The following TLL1 variants were observed in gnomAD, a reference collection of about 807,000 sequenced individuals.
TLL1 encodes the protein tolloid like 1.
Under a neutral mutation model 128.2 loss-of-function variants are expected in TLL1, and 49 were observed. The observed-to-expected ratio is 0.38, with a 90% CI of 0.30 to 0.48. TLL1 has a LOEUF of 0.48. TLL1 is among the 20% of genes least tolerant of loss of function. The pLI, the probability that TLL1 is intolerant of heterozygous loss-of-function variation, is 0.96. For synonymous variants in TLL1, 454 were observed against 418.8 expected (o/e 1.08, Z -1.03); for missense variants, 1,123 against 1,242.0 (o/e 0.90, Z 1.44).
At chr4:166,073,957 G>A (rs1453873655) in intron 16 of TLL1, among the ~76,000 whole-genome samples, 1 of 152,090 alleles carries the variant, frequency 6.6e-6, no homozygotes, top group Non-Finnish European at 1.5e-5. Flanking sequence ...GAAAGTCTGA[G>A]TGACGTGCCA....
chr4:165,899,453 T>G (rs1731848184), intron 1 of TLL1, among the ~76,000 whole-genome samples: 1 of 152,178 alleles, frequency 6.6e-6, no homozygotes, highest in African/African-American at 2.4e-5. Context: ...AAGAACTTAT[T>G]TATTTCTGCC....
intron 1 of TLL1, among the ~76,000 whole-genome samples, chr4:165,908,972 T>G (rs901998334): frequency 1.3e-5 from 2 of 152,042 alleles, no homozygotes; most frequent in Non-Finnish European, 2.9e-5. Flanking sequence ...CGAGGCAGGC[T>G]GATCACTTGA....
Position 165,884,587 on chromosome 4 carries a change from A to G in TLL1, c.169+10514A>G, listed in dbSNP as rs191051943. The stretch of plus-strand genomic sequence containing the variant: ...GCAGTGGCTCATGCCTGTAATCCCA[A>G]CACTTTGGGAGGCTGAGACAGGTGG... On this transcript the variant is annotated intron_variant, in intron 1 of 20. Transcript: ENST00000061240. Among the ~76,000 whole-genome samples the G allele has an allele frequency of 3.0e-3, 452 of 152,266 alleles. 2 individuals carry two copies. The highest frequency in any genetic ancestry group is 9.2e-3 in the African/African-American group (381 of 41,558).
chr4:166,062,751 C>G (rs1156682642), intron 15 of TLL1, among the ~76,000 whole-genome samples: 2 of 152,150 alleles, frequency 1.3e-5, no homozygotes, highest in Non-Finnish European at 2.9e-5. Context: ...ACTTCCAACA[C>G]TATGTTGAAT....
At chr4:166,060,286 T>G in intron 15 of TLL1, 98 bp downstream of exon 15, 1 of 1,299,398 alleles carries the variant, frequency 7.7e-7, no homozygotes, top group Non-Finnish European at 1.1e-6. Flanking sequence ...TAAAATAGTA[T>G]AGACATTGTA....
intron 13 of TLL1, among the ~76,000 whole-genome samples, chr4:166,056,411 G>A (rs1740009730): frequency 6.6e-6 from 1 of 151,154 alleles, no homozygotes; most frequent in Non-Finnish European, 1.5e-5. Context: ...TATACTTTAT[G>A]TATATTTTGG....
intron 1 of TLL1, among the ~76,000 whole-genome samples, chr4:165,876,338 C>CA (rs5863785): frequency 0.16 from 23,593 of 148,802 alleles, 1,989 homozygotes; most frequent in East Asian, 0.31. Flanking sequence ...AAGCAAGAGT[C>CA]AAAAAAAAAA....
rs532127601 is a variant in TLL1, at chr4:166,044,157, A to T, written c.1524+738A>T. ...AGAGCCCAAGCTGAAGTGGAGAAGA[A>T]CAATGAGATGCAGGTGGTAGGTCCC... On this transcript the variant is annotated intron_variant, in intron 12 of 20. Coordinates refer to ENST00000061240, the MANE Select transcript of TLL1 (RefSeq NM_012464.5). Among the ~76,000 whole-genome samples, 3 of 152,324 alleles carry T rather than the reference A, an allele frequency of 2.0e-5. No individual in the cohort carries two copies. The East Asian group carries it at 5.8e-4, about 29-fold the overall frequency.
chr4:166,091,692 T>C (rs574806026), intron 19 of TLL1, among the ~76,000 whole-genome samples: 2 of 152,248 alleles, frequency 1.3e-5, no homozygotes, highest in Admixed American at 6.5e-5. Flanking sequence ...GATAGAAATC[T>C]ATGGCTTGTT....
chr4:165,989,450 A>G lies in TLL1; in HGVS notation c.239A>G (p.Asp80Gly), dbSNP rs746174069. The change falls in exon 2 of 21, where the codon GAC becomes GGC. Residue 80 changes from aspartate (D) to glycine (G), a missense_variant. By Grantham distance (94) the Asp-to-Gly change is moderately conservative. Transcript: ENST00000061240. ...LNIFQIDRTI[D>G]LTQNPFGNLG... is the part of the protein sequence containing the mutation. ...ATCTTTCAAATAGATAGGACAATTGACCTTACGCAGAACCCCTTTGGAAAC... is the reference window on the plus strand; with the variant it reads ...ATCTTTCAAATAGATAGGACAATTGGCCTTACGCAGAACCCCTTTGGAAAC... 1.9e-6 allele frequency: 3 copies of G among 1,612,882 alleles called. No homozygotes were observed. The South Asian group carries it at 3.3e-5, about 18-fold the overall frequency.
chr4:166,067,642 T>C (rs188887530), intron 16 of TLL1, among the ~76,000 whole-genome samples: 2 of 151,878 alleles, frequency 1.3e-5, no homozygotes, highest in Admixed American at 1.3e-4. Context: ...CAGAAAATCA[T>C]CCATGTTTTA....
At chr4:165,937,271 A>T (rs1733807862) in intron 1 of TLL1, among the ~76,000 whole-genome samples, 1 of 152,184 alleles carries the variant, frequency 6.6e-6, no homozygotes, top group African/African-American at 2.4e-5. Flanking sequence ...TTGTTCAAAT[A>T]TGTCCAATTC....
chr4:165,996,698 G>A (rs1003819939), intron 5 of TLL1, among the ~76,000 whole-genome samples: 2 of 151,992 alleles, frequency 1.3e-5, no homozygotes, highest in Admixed American at 1.3e-4. Flanking sequence ...TTTCTTTTAC[G>A]TTAGAAGATT....
Sources: gnomAD v4.1 joint callset for allele counts (sites outside exome capture counted in the v4.1 genomes callset) on GRCh38, gnomAD v4.1.1 for gene constraint, MANE v1.5 for transcripts, NCBI Gene and HGNC (gene_info 2026-07-23, HGNC 2026-07-21) for gene names.